The following CLTC variants were observed in gnomAD, a reference collection of about 807,000 sequenced individuals.
CLTC encodes clathrin heavy chain 1.
CLTC carries 16 observed loss-of-function variants against 195.8 expected under a neutral mutation model. The observed-to-expected ratio is 0.08, with a 90% CI of 0.06 to 0.12. The LOEUF (loss-of-function observed/expected upper bound fraction) is 0.12. Ranked by LOEUF, CLTC falls within the 10% of genes least tolerant of loss-of-function variation. The probability of loss-of-function intolerance (pLI) is 1.00; values close to 1 mark genes in which losing one functional copy is unlikely to be tolerated. For missense variants in CLTC, 796 were observed against 2,027.0 expected (o/e 0.39, Z 11.66); for synonymous variants, 667 against 689.4 (o/e 0.97, Z 0.51).
At chr17:59,644,559 T>TTTGA in intron 2 of CLTC, 76 bp downstream of exon 2, 2 of 1,285,012 alleles carry the variant, frequency 1.6e-6, no homozygotes, top group Non-Finnish European at 2.2e-6. Context: ...TGTTTGTTTG[T>TTTGA]TTGTTTTTGA....
intron 1 of CLTC, among the ~76,000 whole-genome samples, chr17:59,629,057 ATAT>A (rs2031634042): frequency 6.6e-6 from 1 of 152,288 alleles, no homozygotes; most frequent in African/African-American, 2.4e-5. Flanking sequence ...CTGTCAGTAT[ATAT>A]GCTCTGCTTG....
chr17:59,647,249 T>G (rs1411492064), intron 2 of CLTC, 149 bp from the exon 3 acceptor site: 1 of 639,130 alleles, frequency 1.6e-6, no homozygotes, highest in Non-Finnish European at 2.7e-6. Flanking sequence ...TAGTCTTAGC[T>G]GTTACCTCTT....
At chr17:59,644,872 C>T (rs529777129) in intron 2 of CLTC, among the ~76,000 whole-genome samples, 38 of 152,238 alleles carry the variant, frequency 2.5e-4, no homozygotes, top group Admixed American at 2.2e-3. Flanking sequence ...TGTATTTATG[C>T]AAGTACAATA....
Position 59,678,124 on chromosome 17 carries a change from G to A in CLTC, c.2796+936G>A, listed in dbSNP as rs139457368. ...TGTCTCACTTTGAGTTCCTCTGATG[G>A]TTCCCGATGATTAGATTTAGATTAT... On this transcript the variant is annotated intron_variant, in intron 17 of 31. Coordinates refer to ENST00000269122, the MANE Select transcript of CLTC (RefSeq NM_004859.4). Among the ~76,000 whole-genome samples, 341 of 152,252 alleles carry A rather than the reference G, an allele frequency of 2.2e-3. 1 individual carries two copies. Among genetic ancestry groups the A allele is most frequent in the Non-Finnish European group, 3.8e-3 (258 of 68,010 alleles).
chr17:59,675,258 A>C (rs1214524446), intron 16 of CLTC, among the ~76,000 whole-genome samples: 3 of 152,192 alleles, frequency 2.0e-5, no homozygotes, highest in African/African-American at 7.2e-5. Flanking sequence ...TGTGAGGCAA[A>C]AGAGTTCCCT....
rs533344619 is a variant in CLTC, at chr17:59,687,559, A to C, written c.4827+1751A>C. 8.6e-5 allele frequency among the ~76,000 whole-genome samples: 13 copies of C among 151,878 alleles called. No individual in the cohort carries two copies. In the South Asian group the frequency reaches 2.7e-3, roughly 32 times the overall value. ...TTGATTCTTACTAATTTTTTGCTGAAAGTAGATACGAGAGATACTAGCTGC... is the reference window on the plus strand; with the variant it reads ...TTGATTCTTACTAATTTTTTGCTGACAGTAGATACGAGAGATACTAGCTGC... On this transcript the variant is annotated intron_variant, in intron 30 of 31. Coordinates refer to ENST00000269122, the MANE Select transcript of CLTC (RefSeq NM_004859.4).
chr17:59,665,737 A>T (rs1323013236), intron 10 of CLTC, among the ~76,000 whole-genome samples: 1 of 151,896 alleles, frequency 6.6e-6, no homozygotes, highest in East Asian at 1.9e-4. Context: ...GCTACTCAGG[A>T]GCTGAGGCAG....
intron 9 of CLTC, 60 bp downstream of exon 9, chr17:59,664,054 G>A (rs2032668434): frequency 1.4e-6 from 2 of 1,419,052 alleles, no homozygotes; most frequent in African/African-American, 2.8e-5. Flanking sequence ...AGAGAAATTA[G>A]CCTGTATTAA....
At chr17:59,652,111 A>G (rs989694938) in intron 5 of CLTC, among the ~76,000 whole-genome samples, 2 of 152,188 alleles carry the variant, frequency 1.3e-5, no homozygotes, top group African/African-American at 4.8e-5. Flanking sequence ...AGATTACAGT[A>G]ATTCAGTCAC....
intron 4 of CLTC, among the ~76,000 whole-genome samples, chr17:59,650,777 T>C (rs1230490907): frequency 1.3e-5 from 2 of 152,276 alleles, no homozygotes; most frequent in Admixed American, 6.5e-5. Context: ...AAATTGACAT[T>C]GGTACAATTG....
chr17:59,684,713 G>A (rs563473448), intron 28 of CLTC, among the ~76,000 whole-genome samples: 39 of 150,838 alleles, frequency 2.6e-4, no homozygotes, highest in Non-Finnish European at 4.6e-4. Flanking sequence ...GGCTGAGGCC[G>A]GAGAATCGCT....
chr17:59,673,534 G>A (rs2032900149), intron 14 of CLTC, 113 bp from the exon 15 acceptor site: 1 of 733,316 alleles, frequency 1.4e-6, no homozygotes, highest in African/African-American at 1.8e-5. Context: ...TAACAGAAGA[G>A]CTATGTTTGT....
At position 59,664,788 on chromosome 17, in the gene CLTC, T is replaced by C; in HGVS notation, c.1523T>C (p.Val508Ala). The part of the protein sequence containing the change: ...VQKIVLYAKK[V>A]GYTPDWIFLL... ...GTTTAAGTCTTTGTTTGTTTATAGG[T>C]TGGATACACTCCAGATTGGATATTT... is the stretch of plus-strand genomic sequence containing the variant. The change falls in exon 10 of 32, where the codon GTT (valine) becomes GCT (alanine). Residue 508 changes from valine (V) to alanine (A), a missense_variant and splice_region_variant. Physicochemically the swap from Val to Ala is moderately conservative, Grantham distance 64. Coordinates refer to ENST00000269122, the MANE Select transcript of CLTC (RefSeq NM_004859.4). The C allele has an allele frequency of 6.2e-7, 1 of 1,613,804 alleles. No individual in the cohort carries two copies.
rs1403098400 is a variant in CLTC, at chr17:59,683,928, C to T, written c.4377C>T (p.Asn1459=). ...ATTTGCGTTCAGTTCAGAACCATAA[C>T]AACAAATCTGTGAATGAATCATTGA... is the stretch of plus-strand genomic sequence containing the variant. ...KPYLRSVQNH[N]NKSVNESLNN... is the part of the protein sequence containing the mutation. Residue 1459 remains asparagine, a synonymous_variant, in exon 28 of 32, where the codon AAC becomes AAT. Coordinates refer to ENST00000269122, the MANE Select transcript of CLTC (RefSeq NM_004859.4). This position sits in a 1 kb window ranked among gnomAD's most constrained non-coding sequence, Gnocchi z 6.1. 1.2e-6 allele frequency: 2 copies of T among 1,613,580 alleles called. No homozygotes were observed. The highest frequency in any genetic ancestry group is 1.7e-6 in the Non-Finnish European group (2 of 1,179,542).
Position 59,655,868 on chromosome 17 carries a change from T to C in CLTC, c.810T>C (p.His270=), listed in dbSNP as rs1318061770. Residue 270 remains histidine (H), a synonymous_variant, in exon 6 of 32, where the codon CAT becomes CAC. Coordinates refer to ENST00000269122, the MANE Select transcript of CLTC (RefSeq NM_004859.4). ...TCTTTCTGTAGATCAGTGAAAAGCATGATGTGGTGTTCTTGATAACCAAGT... is the reference window on the plus strand; with the variant it reads ...TCTTTCTGTAGATCAGTGAAAAGCACGATGTGGTGTTCTTGATAACCAAGT... ...FPVAMQISEK[H]DVVFLITKYG... 6.3e-7 allele frequency: 1 copy of C among 1,579,628 alleles called. No homozygotes were observed.
intron 5 of CLTC, among the ~76,000 whole-genome samples, chr17:59,654,732 C>T (rs149647833): frequency 0.022 from 3,334 of 152,326 alleles, 47 homozygotes; most frequent in Non-Finnish European, 0.034. Flanking sequence ...CCACCCACCT[C>T]GGCCTCCTAA....
chr17:59,682,351 T>C lies in CLTC; in HGVS notation c.3523T>C (p.Phe1175Leu). 1 of 1,614,140 alleles carries C rather than the reference T, an allele frequency of 6.2e-7. No homozygotes were observed. The highest frequency in any genetic ancestry group is 8.5e-7 in the Non-Finnish European group (1 of 1,179,984). ...GTCCTATGTGGAGACAGAACTGATA[T>C]TCGCACTGGCTAAAACAAACCGCCT... ...RESYVETELI[F>L]ALAKTNRLAE... Residue 1175 changes from phenylalanine (F) to leucine (L), a missense_variant, in exon 22 of 32, where the codon TTC (phenylalanine) becomes CTC (leucine). Transcript: ENST00000269122. This position sits in a 1 kb window ranked among gnomAD's most constrained non-coding sequence, Gnocchi z 6.8.
intron 1 of CLTC, 124 bp downstream of exon 1, chr17:59,620,297 A>T (rs974769180): frequency 9.2e-6 from 8 of 872,794 alleles, no homozygotes; most frequent in Non-Finnish European, 1.3e-5. Flanking sequence ...TGATTGGGGT[A>T]GGTGGAGGAG....
Position 59,666,227 on chromosome 17 carries a change from T to G in CLTC, c.1769T>G (p.Met590Arg). The G allele has an allele frequency of 6.2e-7, 1 of 1,614,052 alleles. No individual in the cohort carries two copies. The highest frequency in any genetic ancestry group is 8.5e-7 in the Non-Finnish European group (1 of 1,179,930). The change falls in exon 11 of 32, where the codon ATG (methionine) becomes AGG (arginine). Residue 590 changes from methionine to arginine, a missense_variant. Physicochemically the swap from Met to Arg is moderately conservative, Grantham distance 91. Transcript: ENST00000269122. This position sits in a 1 kb window ranked among gnomAD's most constrained non-coding sequence, Gnocchi z 4.9. ...LQTRLLEMNL[M>R]HAPQVADAIL... Reference sequence around the variant, plus strand: ...ACGCGGTTACTTGAGATGAACCTTATGCATGCGCCTCAAGTATGTGTTTTA... The same window carrying G: ...ACGCGGTTACTTGAGATGAACCTTAGGCATGCGCCTCAAGTATGTGTTTTA...
Sources: gnomAD v4.1 joint callset for allele counts (sites outside exome capture counted in the v4.1 genomes callset) on GRCh38, gnomAD v4.1.1 for gene constraint, Gnocchi (gnomAD v3.1) non-coding constraint, MANE v1.5 for transcripts, NCBI Gene and HGNC (gene_info 2026-07-23, HGNC 2026-07-21) for gene names.